The following PLCB4 variants were observed in gnomAD, a reference collection of about 807,000 sequenced individuals.
PLCB4 encodes phospholipase C beta 4.
Under a neutral mutation model 178.8 loss-of-function variants are expected in PLCB4, and 77 were observed. The ratio of observed to expected loss-of-function variants is 0.43; its 90% CI spans 0.36 to 0.52. The LOEUF (loss-of-function observed/expected upper bound fraction) is 0.52. Among genes scored for constraint, PLCB4 ranks in the 20% least tolerant of loss-of-function variants. PLCB4 has a pLI of 0.00. For synonymous variants in PLCB4, 496 were observed against 490.8 expected, an observed-to-expected ratio of 1.01 and a Z score of -0.14; for missense variants, 1,024 against 1,453.4, an observed-to-expected ratio of 0.70 and a Z score of 4.80.
intron 3 of PLCB4, among the ~76,000 whole-genome samples, chr20:9,217,691 A>G (rs1246713814): frequency 1.3e-5 from 2 of 152,240 alleles, no homozygotes; most frequent in Non-Finnish European, 2.9e-5. Context: ...TAGATTTTCT[A>G]CTTGCTCTCT....
At chr20:9,201,518 C>A (rs1568940181) in intron 2 of PLCB4, among the ~76,000 whole-genome samples, 1 of 152,056 alleles carries the variant, frequency 6.6e-6, no homozygotes, top group Non-Finnish European at 1.5e-5. Context: ...AGATCTTCTG[C>A]ATGTTATAAC....
intron 7 of PLCB4, among the ~76,000 whole-genome samples, chr20:9,353,920 G>A (rs907660107): frequency 2.0e-5 from 3 of 152,170 alleles, no homozygotes; most frequent in Non-Finnish European, 2.9e-5. Context: ...CTAAAAAGTA[G>A]ACCTGTGTCT....
intron 4 of PLCB4, among the ~76,000 whole-genome samples, chr20:9,311,205 A>C (rs2147892889): frequency 6.6e-6 from 1 of 152,240 alleles, no homozygotes; most frequent in Middle Eastern, 3.4e-3. Flanking sequence ...TCTTTCCTAG[A>C]ATTCCTAGGT....
chr20:9,312,923 C>T (rs1367147729), intron 4 of PLCB4, among the ~76,000 whole-genome samples: 1 of 152,166 alleles, frequency 6.6e-6, no homozygotes, highest in South Asian at 2.1e-4. Flanking sequence ...TATAGAATAA[C>T]AGCAGAAAAA....
At chr20:9,203,587 A>G (rs919745751) in intron 2 of PLCB4, among the ~76,000 whole-genome samples, 1 of 152,162 alleles carries the variant, frequency 6.6e-6, no homozygotes, top group Non-Finnish European at 1.5e-5. Context: ...TCCAGGTTTC[A>G]GGAATGTGAT....
intron 23 of PLCB4, 99 bp downstream of exon 23, chr20:9,408,816 A>G: frequency 1.4e-6 from 1 of 731,492 alleles, no homozygotes. Context: ...CTGGTGGTGG[A>G]GTTCATAAAA....
chr20:9,203,056 A>AAATATATATATATAT (rs769628056), intron 2 of PLCB4, among the ~76,000 whole-genome samples: 5 of 126,162 alleles, frequency 4.0e-5, no homozygotes, highest in African/African-American at 1.7e-4. Context: ...AAAAAAAAAA[A>AAATATATATATATAT]ATATATATAT....
chr20:9,464,000 T>G (rs1403745132), intron 35 of PLCB4, among the ~76,000 whole-genome samples: 1 of 152,080 alleles, frequency 6.6e-6, no homozygotes, highest in Non-Finnish European at 1.5e-5. Flanking sequence ...CACATCACAC[T>G]TATTCTAAAA....
At chr20:9,458,304 T>C (rs1263024677) in intron 34 of PLCB4, among the ~76,000 whole-genome samples, 1 of 152,186 alleles carries the variant, frequency 6.6e-6, no homozygotes, top group Non-Finnish European at 1.5e-5. Context: ...GTAAGGCATG[T>C]GTCTTTAAGA....
At chr20:9,216,899 A>G (rs1027268594) in intron 2 of PLCB4, among the ~76,000 whole-genome samples, 14 of 152,308 alleles carry the variant, frequency 9.2e-5, no homozygotes, top group African/African-American at 3.4e-4. Flanking sequence ...CAGAAATCCA[A>G]TGTCAAATCC....
intron 2 of PLCB4, among the ~76,000 whole-genome samples, chr20:9,183,399 A>G (rs1405257331): frequency 6.6e-6 from 1 of 152,088 alleles, no homozygotes; most frequent in African/African-American, 2.4e-5. Context: ...CAACTCTAAA[A>G]CCAGGTAGAG....
At chr20:9,115,582 C>A in intron 2 of PLCB4, among the ~76,000 whole-genome samples, 1 of 114,680 alleles carries the variant, frequency 8.7e-6, no homozygotes, top group African/African-American at 3.4e-5. Context: ...TCCCCCCTCC[C>A]CCCACCCCAC....
At chr20:9,453,626 T>C (rs2042899233) in intron 33 of PLCB4, among the ~76,000 whole-genome samples, 164 bp downstream of exon 33, 3 of 152,192 alleles carry the variant, frequency 2.0e-5, no homozygotes, top group African/African-American at 7.2e-5. Context: ...TTAAATGCTC[T>C]AACATCATAA....
At chr20:9,114,185 G>A (rs1169738530) in intron 2 of PLCB4, among the ~76,000 whole-genome samples, 1 of 152,158 alleles carries the variant, frequency 6.6e-6, no homozygotes, top group African/African-American at 2.4e-5. Flanking sequence ...TTGCATTCTA[G>A]CCTGGGGAAC....
chr20:9,372,170 C>G, intron 10 of PLCB4, 133 bp from the exon 11 acceptor site: 1 of 587,828 alleles, frequency 1.7e-6, no homozygotes. Flanking sequence ...GGCCTCCTGG[C>G]TTCTGTCAGC....
chr20:9,243,466 T>G (rs2094089486), intron 3 of PLCB4, among the ~76,000 whole-genome samples: 2 of 152,232 alleles, frequency 1.3e-5, no homozygotes, highest in South Asian at 4.1e-4. Flanking sequence ...TGGGATTTCA[T>G]GGGATTGCAT....
chr20:9,459,942 A>T, intron 35 of PLCB4, 132 bp downstream of exon 35: 1 of 624,490 alleles, frequency 1.6e-6, no homozygotes, highest in East Asian at 2.8e-5. Context: ...TGTGTATCTC[A>T]TCATATGGCT....
intron 3 of PLCB4, among the ~76,000 whole-genome samples, chr20:9,291,503 G>A (rs557041693): frequency 6.6e-6 from 1 of 152,222 alleles, no homozygotes; most frequent in South Asian, 2.1e-4. Context: ...CAGACTGGAT[G>A]TATTTTTGTG....
chr20:9,474,212 C>G (rs2044386839), intron 38 of PLCB4, among the ~76,000 whole-genome samples: 1 of 145,356 alleles, frequency 6.9e-6, no homozygotes, highest in African/African-American at 2.5e-5. Context: ...GTGACTCCAT[C>G]TCAAAAAAAA....
Sources: gnomAD v4.1 joint callset for allele counts (sites outside exome capture counted in the v4.1 genomes callset) on GRCh38, gnomAD v4.1.1 for gene constraint, MANE v1.5 for transcripts, NCBI Gene and HGNC (gene_info 2026-07-23, HGNC 2026-07-21) for gene names.